Variants in RNF24 observed in about 807,000 individuals in gnomAD.
RNF24 encodes ring finger protein 24.
A neutral mutation model predicts 20.0 loss-of-function variants in RNF24; 14 were observed. The observed-to-expected ratio is 0.70, with a 90% CI of 0.46 to 1.10. RNF24 has a LOEUF of 1.10. Among genes scored for constraint, RNF24 ranks in the 50% least tolerant of loss-of-function variants. RNF24 has a pLI of 0.00. For synonymous variants in RNF24, 45 were observed against 61.1 expected (o/e 0.74, Z 1.23); for missense variants, 124 against 177.6 (o/e 0.70, Z 1.71).
intron 2 of RNF24, among the ~76,000 whole-genome samples, chr20:3,962,533 C>T (rs1052240830): frequency 4.2e-4 from 64 of 150,828 alleles, no homozygotes; most frequent in Non-Finnish European, 1.0e-4. Context: ...AATAGACAAA[C>T]ACAAATGCTT....
intron 1 of RNF24, among the ~76,000 whole-genome samples, chr20:3,976,353 T>G (rs980308597): frequency 2.0e-5 from 3 of 152,158 alleles, no homozygotes; most frequent in African/African-American, 7.2e-5. Context: ...TCAGAATTGC[T>G]AAAATAAAAA....
At chr20:3,942,358 GA>G (rs963003667) in intron 4 of RNF24, among the ~76,000 whole-genome samples, 6 of 146,302 alleles carry the variant, frequency 4.1e-5, no homozygotes, top group African/African-American at 1.5e-4. Context: ...TTGCAGAGAT[GA>G]GGTCTCACTA....
chr20:3,981,743 A>G (rs571455133), intron 1 of RNF24, among the ~76,000 whole-genome samples: 4 of 152,304 alleles, frequency 2.6e-5, no homozygotes, highest in African/African-American at 4.8e-5. Flanking sequence ...TGCTAGGGCA[A>G]TATTTTCAAC....
chr20:3,950,353 G>GA (rs1185650469), intron 2 of RNF24, among the ~76,000 whole-genome samples: 1 of 152,164 alleles, frequency 6.6e-6, no homozygotes, highest in Admixed American at 6.6e-5. Flanking sequence ...AGACGGAAAA[G>GA]AAGGCCATGT....
At chr20:4,010,364 C>T (rs2122167072) in intron 1 of RNF24, among the ~76,000 whole-genome samples, 1 of 152,280 alleles carries the variant, frequency 6.6e-6, no homozygotes, top group Non-Finnish European at 1.5e-5. Context: ...CAGAGTGAGA[C>T]TCCATCTCAA....
chr20:3,961,611 A>T (rs371634854), intron 2 of RNF24, among the ~76,000 whole-genome samples: 1 of 152,126 alleles, frequency 6.6e-6, no homozygotes, highest in African/African-American at 2.4e-5. Context: ...ATTCTTTGAC[A>T]TAGTAATGAA....
chr20:4,003,031 G>A (rs1196006900), intron 1 of RNF24, among the ~76,000 whole-genome samples: 3 of 152,108 alleles, frequency 2.0e-5, no homozygotes, highest in Non-Finnish European at 2.9e-5. Flanking sequence ...GTGCAGTGGC[G>A]CGATCTCAGA....
Position 3,933,396 on chromosome 20 carries a change from T to C in RNF24, c.*667A>G, listed in dbSNP as rs1315567863. 3 of 392,218 alleles carry C rather than the reference T, an allele frequency of 7.6e-6. No homozygotes were observed. Among genetic ancestry groups the C allele is most frequent in the African/African-American group, 2.1e-5 (1 of 48,514 alleles). 24.3% of individuals were successfully genotyped at this position (392,218 alleles called of 1,614,324 possible). A position where few individuals can be genotyped will look rare whatever the true frequency, so the allele number is the denominator to read the frequency against. On this transcript the variant is annotated 3_prime_UTR_variant, in exon 6 of 6. Coordinates refer to ENST00000358395, the MANE Select transcript of RNF24 (RefSeq NM_001134337.3). ...GCTCTGGACGGGCCTTACTGGTGCA[T>C]AGGAGAGGGAAATGATAAGAGGAAA...
rs1568601516 is a variant in RNF24, at chr20:3,929,181, GCA to G, written c.*4880_*4881del. 1 of 152,210 alleles carries G rather than the reference GCA, an allele frequency of 6.6e-6. No homozygotes were observed. Among genetic ancestry groups the G allele is most frequent in the Non-Finnish European group, 1.5e-5 (1 of 68,082 alleles). The allele number at this position is 152,210 out of a possible 1,614,324, so 9.4% of individuals were successfully genotyped here. On this transcript the variant is annotated 3_prime_UTR_variant, in exon 6 of 6. Coordinates refer to ENST00000358395, the MANE Select transcript of RNF24 (RefSeq NM_001134337.3). Reference sequence around the variant, plus strand: ...GAAGCATTTTCTTTTCAAAGTGTGTGCACAGAGTGAGGAGGCCAGCCTGGGCA... The same window carrying G: ...GAAGCATTTTCTTTTCAAAGTGTGTGCAGAGTGAGGAGGCCAGCCTGGGCA...
rs772223568 is a variant in RNF24 at position 3,934,138 on chromosome 20, C to T, written c.372G>A (p.Gln124=). Residue 124 remains glutamine, a synonymous_variant, in exon 6 of 6, where the codon CAG becomes CAA. Transcript: ENST00000358395. This position sits in a 1 kb window ranked among gnomAD's most constrained non-coding sequence, Gnocchi z 4.0. ...VCPLCNMPVL[Q]LAQLHSKQDR... ...CCTGCTTACTGTGCAACTGGGCCAG[C>T]TGTAGAACTGGCATGTTGCACAGGG... The T allele has an allele frequency of 1.9e-6, 3 of 1,590,766 alleles. No homozygotes were observed. Among genetic ancestry groups the T allele is most frequent in the African/African-American group, 1.4e-5 (1 of 73,170 alleles).
intron 2 of RNF24, among the ~76,000 whole-genome samples, chr20:3,954,864 A>G (rs1453017142): frequency 6.6e-6 from 1 of 150,482 alleles, no homozygotes; most frequent in Non-Finnish European, 1.5e-5. Flanking sequence ...GCGCCATTGC[A>G]CTCTAGCCCG....
intron 4 of RNF24, among the ~76,000 whole-genome samples, 161 bp from the exon 5 acceptor site, chr20:3,935,234 G>A (rs145817279): frequency 6.6e-6 from 1 of 152,008 alleles, no homozygotes; most frequent in Non-Finnish European, 1.5e-5. Flanking sequence ...AAAAGAAACA[G>A]GCCAAAATAG....
At chr20:3,985,004 A>G (rs1367345097) in intron 1 of RNF24, among the ~76,000 whole-genome samples, 1 of 151,844 alleles carries the variant, frequency 6.6e-6, no homozygotes, top group Non-Finnish European at 1.5e-5. Flanking sequence ...TCCGATTTAC[A>G]CTCCTTCCCA....
In RNF24 at chr20:3,930,062, A is replaced by G. The variant is rs2090799749; in HGVS notation, c.*4001T>C. The G allele has an allele frequency of 6.6e-6, 1 of 152,210 alleles. No individual in the cohort carries two copies. The highest frequency in any genetic ancestry group is 1.5e-5 in the Non-Finnish European group (1 of 68,046). 9.4% of individuals were successfully genotyped at this position (152,210 alleles called of 1,614,324 possible). ...CACACATACACATGTGTGTACATGCATAAATGATCTCTGGAAGGATACCCA... is the reference window on the plus strand; with the variant it reads ...CACACATACACATGTGTGTACATGCGTAAATGATCTCTGGAAGGATACCCA... On this transcript the variant is annotated 3_prime_UTR_variant, in exon 6 of 6. Transcript: ENST00000358395.
In RNF24 at chr20:4,005,876, C is replaced by T. The variant is rs117736219; in HGVS notation, c.-8+9561G>A. ...ATTAATTTTGAGAATTCAATAAACA[C>T]TGTCATCAAATGAACTGAATGCTCA... On this transcript the variant is annotated intron_variant, in intron 1 of 5. Transcript: ENST00000358395. Among the ~76,000 whole-genome samples the T allele has an allele frequency of 7.0e-3, 1,067 of 152,300 alleles. 26 individuals are homozygous for T. The highest frequency in any genetic ancestry group is 0.064 in the South Asian group (310 of 4,822).
chr20:3,987,421 T>C (rs1263797367), intron 1 of RNF24, among the ~76,000 whole-genome samples: 2 of 152,182 alleles, frequency 1.3e-5, no homozygotes, highest in African/African-American at 4.8e-5. Flanking sequence ...TTTTTTCTGC[T>C]GTGAGGAAAA....
At chr20:3,946,232 C>T (rs935763776) in intron 3 of RNF24, among the ~76,000 whole-genome samples, 3 of 152,002 alleles carry the variant, frequency 2.0e-5, no homozygotes, top group Admixed American at 6.6e-5. Context: ...TTTGGGAGGC[C>T]GAGGTGGGCG....
At chr20:3,951,384 C>T (rs2091079817) in intron 2 of RNF24, among the ~76,000 whole-genome samples, 1 of 152,164 alleles carries the variant, frequency 6.6e-6, no homozygotes, top group Non-Finnish European at 1.5e-5. Flanking sequence ...AAGATAGTGT[C>T]CACTGGGTTT....
chr20:3,982,207 GA>G (rs1480876831), intron 1 of RNF24, among the ~76,000 whole-genome samples: 4 of 151,780 alleles, frequency 2.6e-5, no homozygotes. Flanking sequence ...ATTTTGGGGA[GA>G]ATGGGTCTTG....
Sources: allele counts gnomAD v4.1 joint callset (sites outside exome capture counted in the v4.1 genomes callset), GRCh38; gene constraint gnomAD v4.1.1; non-coding constraint Gnocchi (gnomAD v3.1); transcripts MANE v1.5; gene names NCBI Gene and HGNC (gene_info 2026-07-23, HGNC 2026-07-21).